Variants in RANBP17 observed in about 807,000 individuals in gnomAD.
The protein encoded by RANBP17 is RAN binding protein 17, also known as ran-binding protein 17.
In RANBP17, 158 loss-of-function variants were observed where a neutral mutation model predicts 141.2. That is an observed-to-expected ratio of 1.12 (90% CI 0.98 to 1.28). RANBP17 has a LOEUF of 1.28. Ranked by LOEUF, RANBP17 falls within the 50% of genes most tolerant of loss-of-function variation. RANBP17 has a pLI of 0.00. For missense variants in RANBP17, 1,438 were observed against 1,290.7 expected, an observed-to-expected ratio of 1.11 and a Z score of -1.75; for synonymous variants, 430 against 450.0, an observed-to-expected ratio of 0.96 and a Z score of 0.56.
chr5:170,946,050 A>G (rs1774730827), intron 12 of RANBP17, among the ~76,000 whole-genome samples: 1 of 152,172 alleles, frequency 6.6e-6, no homozygotes, highest in Non-Finnish European at 1.5e-5. Flanking sequence ...GAGAGGAAGT[A>G]TAATAGTTTG....
intron 24 of RANBP17, among the ~76,000 whole-genome samples, chr5:171,251,535 A>G (rs923327179): frequency 5.3e-5 from 8 of 151,098 alleles, no homozygotes; most frequent in African/African-American, 2.0e-4. Context: ...ATGTAAAATT[A>G]TAGTGGAAAA....
chr5:170,938,031 G>A (rs1467315388), intron 12 of RANBP17, among the ~76,000 whole-genome samples: 1 of 152,058 alleles, frequency 6.6e-6, no homozygotes, highest in Non-Finnish European at 1.5e-5. Context: ...TCTGCTCTCT[G>A]ATTCTGTGTC....
At chr5:170,902,131 C>T (rs1770698321) in intron 5 of RANBP17, among the ~76,000 whole-genome samples, 1 of 152,136 alleles carries the variant, frequency 6.6e-6, no homozygotes, top group Admixed American at 6.5e-5. Context: ...AACTTGGTTC[C>T]ATTCTCCCCA....
At chr5:171,145,388 A>G (rs1757969955) in intron 14 of RANBP17, among the ~76,000 whole-genome samples, 1 of 152,124 alleles carries the variant, frequency 6.6e-6, no homozygotes, top group Non-Finnish European at 1.5e-5. Flanking sequence ...CTCCTAAGCA[A>G]GATTTGTCTT....
intron 5 of RANBP17, among the ~76,000 whole-genome samples, chr5:170,899,816 G>A (rs1581094692): frequency 6.6e-6 from 1 of 152,124 alleles, no homozygotes; most frequent in Non-Finnish European, 1.5e-5. Context: ...GATGGATTAT[G>A]TTTATTGATT....
chr5:170,908,941 T>G (rs1287912307), intron 5 of RANBP17, among the ~76,000 whole-genome samples: 6 of 151,910 alleles, frequency 3.9e-5, no homozygotes, highest in Non-Finnish European at 7.4e-5. Context: ...CCATAGCAAC[T>G]GTAGACCATA....
At chr5:171,275,836 C>T (rs1001385811) in intron 25 of RANBP17, among the ~76,000 whole-genome samples, 1 of 151,564 alleles carries the variant, frequency 6.6e-6, no homozygotes, top group Non-Finnish European at 1.5e-5. Flanking sequence ...CACAAAATAA[C>T]ATGGATGAAA....
chr5:171,207,518 A>C (rs894314045), intron 20 of RANBP17: 1 of 152,202 alleles, frequency 6.6e-6, no homozygotes, highest in African/African-American at 2.4e-5. Flanking sequence ...TTGGGACTTA[A>C]TGTTTTCTTG....
chr5:170,910,886 C>T (rs1771467717), intron 6 of RANBP17, 83 bp from the exon 7 acceptor site: 1 of 1,320,662 alleles, frequency 7.6e-7, no homozygotes, highest in Non-Finnish European at 1.1e-6. Context: ...TTTCATTTGA[C>T]ATTGAAAAAT....
intron 13 of RANBP17, among the ~76,000 whole-genome samples, chr5:170,959,797 A>G (rs1776003064): frequency 6.6e-6 from 1 of 152,230 alleles, no homozygotes; most frequent in South Asian, 2.1e-4. Flanking sequence ...CTGTTCATTA[A>G]GTGGATCTTC....
At chr5:171,129,989 C>T (rs1756783405) in intron 14 of RANBP17, among the ~76,000 whole-genome samples, 1 of 152,134 alleles carries the variant, frequency 6.6e-6, no homozygotes, top group Non-Finnish European at 1.5e-5. Flanking sequence ...AGAAAATGGA[C>T]ATTTTGCAAA....
chr5:170,870,188 T>G (rs1767601001), intron 1 of RANBP17, among the ~76,000 whole-genome samples: 1 of 152,186 alleles, frequency 6.6e-6, no homozygotes, highest in African/African-American at 2.4e-5. Context: ...GGGACCCCTT[T>G]TTATTTTCAT....
At chr5:171,001,627 T>C (rs1200749462) in intron 14 of RANBP17, among the ~76,000 whole-genome samples, 3 of 152,274 alleles carry the variant, frequency 2.0e-5, no homozygotes, top group African/African-American at 7.2e-5. Flanking sequence ...TGTCCAGTCC[T>C]TTTTAAGTTG....
At chr5:171,281,546 C>T (rs553157214) in intron 25 of RANBP17, among the ~76,000 whole-genome samples, 15 of 152,094 alleles carry the variant, frequency 9.9e-5, no homozygotes, top group Admixed American at 7.2e-4. Flanking sequence ...CCCTGAAGGC[C>T]GCAGAGACCA....
intron 14 of RANBP17, among the ~76,000 whole-genome samples, chr5:171,016,380 G>T (rs192254622): frequency 6.6e-6 from 1 of 152,064 alleles, no homozygotes; most frequent in East Asian, 1.9e-4. Context: ...ATACCATAAA[G>T]ACATAAGTGA....
chr5:170,954,730 T>A (rs950852488), intron 13 of RANBP17, among the ~76,000 whole-genome samples: 1 of 152,224 alleles, frequency 6.6e-6, no homozygotes, highest in Non-Finnish European at 1.5e-5. Flanking sequence ...TATATCTTTA[T>A]GTAGACTGAA....
chr5:171,193,987 C>T (rs1451491670), intron 18 of RANBP17, among the ~76,000 whole-genome samples: 1 of 152,182 alleles, frequency 6.6e-6, no homozygotes, highest in African/African-American at 2.4e-5. Flanking sequence ...GTGTTTCACA[C>T]AGTACTTATA....
At chr5:171,224,841 C>T (rs1763796173) in intron 22 of RANBP17, among the ~76,000 whole-genome samples, 1 of 152,122 alleles carries the variant, frequency 6.6e-6, no homozygotes, top group South Asian at 2.1e-4. Flanking sequence ...TTTTATAGTC[C>T]TATATTAGAC....
chr5:170,900,219 A>G lies in RANBP17; in HGVS notation c.489+4104A>G, dbSNP rs540225876. On this transcript the variant is annotated intron_variant, in intron 5 of 27. Coordinates refer to ENST00000523189, the MANE Select transcript of RANBP17 (RefSeq NM_022897.5). ...GAACCTGTTATTGCTCTATTCAGGG[A>G]TTCAACTTGGGTTTAGTCTTGGGAG... 3.3e-5 allele frequency among the ~76,000 whole-genome samples: 5 copies of G among 152,140 alleles called. No individual in the cohort carries two copies. In the East Asian group the frequency reaches 7.7e-4, roughly 24 times the overall value.
Sources: gnomAD v4.1 joint callset for allele counts (sites outside exome capture counted in the v4.1 genomes callset) on GRCh38, gnomAD v4.1.1 for gene constraint, MANE v1.5 for transcripts, NCBI Gene and HGNC (gene_info 2026-07-23, HGNC 2026-07-21) for gene names.